Variants in MTG1 observed in about 807,000 individuals in gnomAD.
MTG1 encodes mitochondrial ribosome associated GTPase 1, also known as mitochondrial ribosome-associated GTPase 1.
MTG1 carries 30 observed loss-of-function variants against 39.5 expected under a neutral mutation model. The ratio of observed to expected loss-of-function variants is 0.76; its 90% CI spans 0.57 to 1.03. The LOEUF (loss-of-function observed/expected upper bound fraction) is 1.03, where lower values mean the gene tolerates loss of function less well. Among genes scored for constraint, MTG1 ranks in the 50% least tolerant of loss-of-function variants. The probability of loss-of-function intolerance (pLI) is 0.00; values close to 1 mark genes in which losing one functional copy is unlikely to be tolerated. For missense variants in MTG1, 513 were observed against 447.4 expected (o/e 1.15, Z -1.32); for synonymous variants, 217 against 179.0 (o/e 1.21, Z -1.69).
At chr10:133,414,837 C>T (rs561114522) in intron 9 of MTG1, among the ~76,000 whole-genome samples, 428 of 152,270 alleles carry the variant, frequency 2.8e-3, no homozygotes, top group Middle Eastern at 6.8e-3. Flanking sequence ...GAGGTTGTAG[C>T]GAGCCGAGAT....
At chr10:133,416,111 T>G (rs1401565174) in intron 9 of MTG1, among the ~76,000 whole-genome samples, 1 of 149,142 alleles carries the variant, frequency 6.7e-6, no homozygotes, top group Non-Finnish European at 1.5e-5. Context: ...GCCTGTTTTG[T>G]GGTTTCTGTT....
At chr10:133,410,514 G>T (rs1850030141) in intron 9 of MTG1, among the ~76,000 whole-genome samples, 1 of 152,196 alleles carries the variant, frequency 6.6e-6, no homozygotes, top group Non-Finnish European at 1.5e-5. Context: ...GATTTTCTCT[G>T]TTGGTATGTT....
At chr10:133,395,625 TG>T in intron 1 of MTG1, 87 bp from the exon 2 acceptor site, 1 of 1,192,814 alleles carries the variant, frequency 8.4e-7, no homozygotes, top group Non-Finnish European at 1.2e-6. Flanking sequence ...TTATTTATGG[TG>T]GCGTGTCATT....
At chr10:133,405,109 G>T (rs564068593) in intron 9 of MTG1, among the ~76,000 whole-genome samples, 1 of 152,252 alleles carries the variant, frequency 6.6e-6, no homozygotes, top group East Asian at 1.9e-4. Context: ...GGTCAGTCTG[G>T]GGAAGAATTG....
Position 133,421,229 on chromosome 10 carries a change from A to C in MTG1, c.*1064A>C, listed in dbSNP as rs974461149. On this transcript the variant is annotated 3_prime_UTR_variant, in exon 11 of 11. Transcript: ENST00000317502. ...AAGTTAGCCCCTGAGTGCCACCTGC[A>C]TCGTGCCATAACCCTGACCGCCTGG... 3.3e-5 allele frequency: 5 copies of C among 152,786 alleles called. No individual in the cohort carries two copies. Among genetic ancestry groups the C allele is most frequent in the African/African-American group, 9.6e-5 (4 of 41,466 alleles). 9.5% of individuals were successfully genotyped at this position (152,786 alleles called of 1,614,324 possible).
At chr10:133,416,622 C>T (rs1244473287) in intron 9 of MTG1, among the ~76,000 whole-genome samples, 1 of 138,352 alleles carries the variant, frequency 7.2e-6, no homozygotes, top group East Asian at 2.2e-4. Flanking sequence ...TCTCATTGTT[C>T]AATTCCCACC....
At chr10:133,415,335 A>T (rs1292136868) in intron 9 of MTG1, among the ~76,000 whole-genome samples, 1 of 152,074 alleles carries the variant, frequency 6.6e-6, no homozygotes, top group Non-Finnish European at 1.5e-5. Flanking sequence ...TTTAACATGT[A>T]TTGTAAGGCA....
intron 9 of MTG1, among the ~76,000 whole-genome samples, 195 bp from the exon 10 acceptor site, chr10:133,419,285 A>G (rs1439151908): frequency 1.3e-5 from 2 of 152,070 alleles, no homozygotes; most frequent in Non-Finnish European, 2.9e-5. Context: ...TGATTCTTAG[A>G]TAGTGGCTCT....
chr10:133,396,237 G>A lies in MTG1; in HGVS notation c.252G>A (p.Lys84=). The change falls in exon 3 of 11, where the codon AAG becomes AAA. Residue 84 remains lysine (K), a synonymous_variant. Coordinates refer to ENST00000317502, the MANE Select transcript of MTG1 (RefSeq NM_138384.4). ...AGCCTCACTTGCTGGTCCTCAACAA[G>A]ATGGACTTGGCGGATCTTACAGAGC... ...GLKPHLLVLN[K]MDLADLTEQQ... 6.2e-7 allele frequency: 1 copy of A among 1,614,208 alleles called. No individual in the cohort carries two copies. The highest frequency in any genetic ancestry group is 8.5e-7 in the Non-Finnish European group (1 of 1,180,020).
At position 133,398,447 on chromosome 10, in the gene MTG1, C is replaced by T; in HGVS notation, c.295C>T (p.His99Tyr). ...TTGTGTCTTTCAGAAAATTATGCAA[C>T]ACTTAGAAGGAGAAGGCCTAAAAAA... is the stretch of plus-strand genomic sequence containing the variant. ...DLTEQQKIMQ[H>Y]LEGEGLKNVI... Residue 99 changes from histidine (H) to tyrosine (Y), a missense_variant, in exon 4 of 11, where the codon CAC becomes TAC. Physicochemically the swap from His to Tyr is moderately conservative, Grantham distance 83. Coordinates refer to ENST00000317502, the MANE Select transcript of MTG1 (RefSeq NM_138384.4). 2 of 1,612,108 alleles carry T rather than the reference C, an allele frequency of 1.2e-6. No homozygotes were observed. Among genetic ancestry groups the T allele is most frequent in the African/African-American group, 1.3e-5 (1 of 74,880 alleles).
At chr10:133,403,425 T>C (rs1849916998) in intron 9 of MTG1, among the ~76,000 whole-genome samples, 1 of 152,148 alleles carries the variant, frequency 6.6e-6, no homozygotes, top group African/African-American at 2.4e-5. Flanking sequence ...GTCCCTGTGC[T>C]CCTTCGTGAT....
intron 9 of MTG1, among the ~76,000 whole-genome samples, chr10:133,410,207 G>C (rs138455919): frequency 1.7e-3 from 254 of 152,110 alleles, no homozygotes; most frequent in Admixed American, 3.3e-3. Context: ...ACCACACCTG[G>C]CTGTTTTATT....
At position 133,402,027 on chromosome 10, in the gene MTG1, G is replaced by C; in HGVS notation, c.574-122G>C. ...CTTGGTGAGAGTGACGCTGCCATGGGGTTGGGTCCCTGAGGCCTTCCTCGG... is the reference window on the plus strand; with the variant it reads ...CTTGGTGAGAGTGACGCTGCCATGGCGTTGGGTCCCTGAGGCCTTCCTCGG... On this transcript the variant is annotated intron_variant, in intron 7 of 10. Coordinates refer to ENST00000317502, the MANE Select transcript of MTG1 (RefSeq NM_138384.4). The surrounding 1 kb of genome is among the most constrained non-coding windows in gnomAD (Gnocchi z 4.7). 9.3e-7 allele frequency: 1 copy of C among 1,071,196 alleles called. No individual in the cohort carries two copies. Among genetic ancestry groups the C allele is most frequent in the Non-Finnish European group, 1.4e-6 (1 of 709,036 alleles). The allele number at this position is 1,071,196 out of a possible 1,614,324, so 66.4% of individuals were successfully genotyped here.
At chr10:133,398,262 T>C (rs1160913248) in intron 3 of MTG1, among the ~76,000 whole-genome samples, 173 bp from the exon 4 acceptor site, 1 of 152,198 alleles carries the variant, frequency 6.6e-6, no homozygotes, top group Admixed American at 6.5e-5. Context: ...TATCTGGGCG[T>C]GGTGGCGCAT....
chr10:133,412,206 G>C (rs1850057471), intron 9 of MTG1, among the ~76,000 whole-genome samples: 1 of 151,864 alleles, frequency 6.6e-6, no homozygotes, highest in Non-Finnish European at 1.5e-5. Context: ...GTTTGGTTTT[G>C]GTTTTCTTTG....
At position 133,422,109 on chromosome 10, in the gene MTG1, TCTCCTGTC is replaced by T. The variant is rs1850252133; in HGVS notation, c.*1947_*1954del. On this transcript the variant is annotated 3_prime_UTR_variant, in exon 11 of 11. Transcript: ENST00000317502. ...TGACTGTCCAGCGCCACTCCATGTC[TCTCCTGTC>T]CTTGGATGTTGGGGGGCTCAGCCTC... 2 of 152,912 alleles carry T rather than the reference TCTCCTGTC, an allele frequency of 1.3e-5. No homozygotes were observed. Among genetic ancestry groups the T allele is most frequent in the African/African-American group, 4.8e-5 (2 of 41,570 alleles). 9.5% of individuals were successfully genotyped at this position (152,912 alleles called of 1,614,324 possible).
Position 133,402,715 on chromosome 10 carries a change from G to T in MTG1, c.694G>T (p.Gly232Trp). 1 of 1,607,868 alleles carries T rather than the reference G, an allele frequency of 6.2e-7. No individual in the cohort carries two copies. Among genetic ancestry groups the T allele is most frequent in the Non-Finnish European group, 8.5e-7 (1 of 1,177,500 alleles). Residue 232 changes from glycine to tryptophan, a missense_variant, in exon 9 of 11, where the codon GGG (glycine) becomes TGG (tryptophan). Gly to Trp is a radical substitution (Grantham distance 184). Coordinates refer to ENST00000317502, the MANE Select transcript of MTG1 (RefSeq NM_138384.4). The surrounding 1 kb of genome is among the most constrained non-coding windows in gnomAD (Gnocchi z 4.7). ...AGGAACGGTGCTGGACCACCTGGTC[G>T]GGGAGGAGACCATGGCTGACTACCT... ...LCGTVLDHLV[G>W]EETMADYLLY...
At chr10:133,410,849 A>G (rs1355382587) in intron 9 of MTG1, among the ~76,000 whole-genome samples, 1 of 152,214 alleles carries the variant, frequency 6.6e-6, no homozygotes, top group African/African-American at 2.4e-5. Context: ...GAGAAACTGA[A>G]GAATTCTGTA....
rs1166221140 is a variant in MTG1 at position 133,420,899 on chromosome 10, A to T, written c.*734A>T. Reference sequence around the variant, plus strand: ...CACCTTCTAGCTCACGGGTAGTGGGATTCTGCATTAGTGGGGCTGAGAGAT... The same window carrying T: ...CACCTTCTAGCTCACGGGTAGTGGGTTTCTGCATTAGTGGGGCTGAGAGAT... On this transcript the variant is annotated 3_prime_UTR_variant, in exon 11 of 11. Coordinates refer to ENST00000317502, the MANE Select transcript of MTG1 (RefSeq NM_138384.4). 1 of 152,386 alleles carries T rather than the reference A, an allele frequency of 6.6e-6. No individual in the cohort carries two copies. Among genetic ancestry groups the T allele is most frequent in the East Asian group, 1.9e-4 (1 of 5,198 alleles). The allele number at this position is 152,386 out of a possible 1,614,324, so 9.4% of individuals were successfully genotyped here. A position where few individuals can be genotyped will look rare whatever the true frequency, so the allele number is the denominator to read the frequency against.
Sources: gnomAD v4.1 joint callset for allele counts (sites outside exome capture counted in the v4.1 genomes callset) on GRCh38, gnomAD v4.1.1 for gene constraint, Gnocchi (gnomAD v3.1) non-coding constraint, MANE v1.5 for transcripts, NCBI Gene and HGNC (gene_info 2026-07-23, HGNC 2026-07-21) for gene names.